Variants in PLCE1 observed in about 807,000 individuals in gnomAD.
PLCE1 encodes 1-phosphatidylinositol 4,5-bisphosphate phosphodiesterase epsilon-1.
PLCE1 carries 119 observed loss-of-function variants against 242.8 expected under a neutral mutation model. The ratio of observed to expected loss-of-function variants is 0.49; its 90% confidence interval spans 0.42 to 0.57. The LOEUF (loss-of-function observed/expected upper bound fraction) is 0.57, where lower values mean the gene tolerates loss of function less well. Ranked by LOEUF, PLCE1 falls within the 20% of genes least tolerant of loss-of-function variation. PLCE1 has a pLI of 0.00. For synonymous variants in PLCE1, 945 were observed against 1,017.4 expected (o/e 0.93, Z 1.35); for missense variants, 2,441 against 2,788.8 (o/e 0.88, Z 2.81).
At chr10:94,192,034 A>G (rs972506289) in intron 4 of PLCE1, among the ~76,000 whole-genome samples, 36 of 152,302 alleles carry the variant, frequency 2.4e-4, no homozygotes, top group African/African-American at 8.4e-4. Context: ...TTTAATTGTA[A>G]ATTGACATAA....
Position 94,272,980 on chromosome 10 carries a change from C to T in PLCE1, c.4507-582C>T, listed in dbSNP as rs116860934. Among the ~76,000 whole-genome samples the T allele has an allele frequency of 1.7e-3, 255 of 152,028 alleles. 3 individuals are homozygous for T. The East Asian group carries it at 0.045, about 27-fold the overall frequency. On this transcript the variant is annotated intron_variant, in intron 18 of 32. Coordinates refer to ENST00000371380, the MANE Select transcript of PLCE1 (RefSeq NM_016341.4). ...CTTTGGGAGGCTGAGGCGGGTGGAT[C>T]GCTTGAGCTCAGGAGTTCGAGACCA... is the stretch of plus-strand genomic sequence containing the variant.
intron 1 of PLCE1, among the ~76,000 whole-genome samples, chr10:94,021,396 T>G (rs111611819): frequency 0.02 from 3,107 of 152,182 alleles, 107 homozygotes; most frequent in African/African-American, 0.067. Context: ...TGTTTTAGAT[T>G]TTATATTCTG....
In PLCE1 at chr10:94,159,463, T is replaced by G. The variant is rs1362081378; in HGVS notation, c.1493-11717T>G. ...AGAAATCAATATTCTTCTCTCTCTC[T>G]CTCTTATTTTATATAATTAGAATTG... On this transcript the variant is annotated intron_variant, in intron 3 of 32. Transcript: ENST00000371380. 3.3e-5 allele frequency among the ~76,000 whole-genome samples: 5 copies of G among 152,294 alleles called. No homozygotes were observed. In the East Asian group the frequency reaches 9.7e-4, roughly 29 times the overall value.
In PLCE1 at chr10:94,252,416, A is replaced by G. The variant is rs201554414; in HGVS notation, c.3197A>G (p.Lys1066Arg). ...ARNPSPGTSA[K>R]NAEKPNMQRN... is the part of the protein sequence containing the mutation. ...AACCCCAGCCCCGGAACATCAGCAA[A>G]GAATGCTGAGAAGCCCAATATGCAG... Residue 1066 changes from lysine (K) to arginine (R), a missense_variant, in exon 9 of 33, where the codon AAG becomes AGG. Physicochemically the swap from Lys to Arg is conservative, Grantham distance 26. Around this residue, in one of 5 missense-constraint regions of PLCE1, gnomAD observed 1,004 missense variants for 1,322.7 expected, o/e 0.76. Transcript: ENST00000371380. The G allele has an allele frequency of 4.7e-5, 76 of 1,613,814 alleles. No individual in the cohort carries two copies. The highest frequency in any genetic ancestry group is 6.0e-5 in the Non-Finnish European group (71 of 1,179,818).
At chr10:94,201,355 G>C (rs1477920142) in intron 4 of PLCE1, among the ~76,000 whole-genome samples, 2 of 152,196 alleles carry the variant, frequency 1.3e-5, no homozygotes, top group African/African-American at 4.8e-5. Flanking sequence ...AAGTGAGGTG[G>C]TATAGCAGAA....
intron 1 of PLCE1, among the ~76,000 whole-genome samples, chr10:94,014,229 A>G (rs934233812): frequency 2.0e-5 from 3 of 152,202 alleles, no homozygotes; most frequent in African/African-American, 2.4e-5. Flanking sequence ...CACCTTCCCT[A>G]AGGCAGCTAA....
At chr10:94,228,277 A>C (rs932886943) in intron 5 of PLCE1, among the ~76,000 whole-genome samples, 6 of 152,226 alleles carry the variant, frequency 3.9e-5, no homozygotes, top group Admixed American at 3.9e-4. Context: ...TATGTGAGGA[A>C]GAAGAGCATG....
At chr10:94,290,157 G>A (rs1279585929) in intron 22 of PLCE1, among the ~76,000 whole-genome samples, 1 of 151,666 alleles carries the variant, frequency 6.6e-6, no homozygotes, top group Non-Finnish European at 1.5e-5. Context: ...CTTCTGAGTG[G>A]CTAGGACTAC....
chr10:94,070,578 C>G (rs891126818), intron 2 of PLCE1, among the ~76,000 whole-genome samples: 1 of 152,204 alleles, frequency 6.6e-6, no homozygotes, highest in African/African-American at 2.4e-5. Context: ...AGTCTAGACT[C>G]TAATTGTTCA....
chr10:94,065,996 C>T (rs2044184863), intron 2 of PLCE1, among the ~76,000 whole-genome samples: 1 of 152,116 alleles, frequency 6.6e-6, no homozygotes, highest in Non-Finnish European at 1.5e-5. Flanking sequence ...TGTCAGTGTC[C>T]TCTCTTTAAA....
chr10:94,138,507 A>G (rs927358891), intron 3 of PLCE1: 4 of 468,128 alleles, frequency 8.5e-6, no homozygotes, highest in Middle Eastern at 5.4e-4. Context: ...GTAGTAATGG[A>G]GATGTTCCAG....
chr10:94,062,424 A>G (rs536332150), intron 2 of PLCE1, among the ~76,000 whole-genome samples: 1 of 152,106 alleles, frequency 6.6e-6, no homozygotes, highest in Non-Finnish European at 1.5e-5. Context: ...CCCAAGTAGC[A>G]GTCCACTCTG....
chr10:94,103,331 T>C (rs976762423), intron 2 of PLCE1, among the ~76,000 whole-genome samples: 1 of 152,208 alleles, frequency 6.6e-6, no homozygotes, highest in Non-Finnish European at 1.5e-5. Flanking sequence ...TTTGTGCTGT[T>C]AATTACTGAT....
intron 26 of PLCE1, among the ~76,000 whole-genome samples, chr10:94,307,940 T>C (rs540455797): frequency 7.9e-5 from 12 of 152,292 alleles, no homozygotes; most frequent in Non-Finnish European, 8.8e-5. Context: ...TTTCCATCTC[T>C]CCAACACAGT....
At chr10:94,072,380 C>G (rs2044386623) in intron 2 of PLCE1, among the ~76,000 whole-genome samples, 1 of 151,912 alleles carries the variant, frequency 6.6e-6, no homozygotes, top group African/African-American at 2.4e-5. Flanking sequence ...AGGTTCACGC[C>G]ATTCTCCTGC....
intron 4 of PLCE1, among the ~76,000 whole-genome samples, chr10:94,196,873 A>G (rs531450165): frequency 1.3e-5 from 2 of 152,326 alleles, no homozygotes; most frequent in South Asian, 4.1e-4. Context: ...CATTTAAAGT[A>G]TACAGGTCAG....
intron 3 of PLCE1, among the ~76,000 whole-genome samples, chr10:94,154,192 A>G (rs1038277373): frequency 6.6e-6 from 1 of 152,224 alleles, no homozygotes; most frequent in Non-Finnish European, 1.5e-5. Flanking sequence ...ATAATTTTCA[A>G]CAAAGATGCC....
intron 2 of PLCE1, among the ~76,000 whole-genome samples, chr10:94,061,311 G>A (rs1280397229): frequency 6.6e-6 from 1 of 152,186 alleles, no homozygotes; most frequent in Non-Finnish European, 1.5e-5. Flanking sequence ...GCTTAAGCAG[G>A]TGATCAACTG....
chr10:94,125,493 T>G (rs2046412014), intron 2 of PLCE1, among the ~76,000 whole-genome samples: 1 of 151,972 alleles, frequency 6.6e-6, no homozygotes, highest in Non-Finnish European at 1.5e-5. Context: ...CCTGGGTTCA[T>G]GCCATTCTCC....
Sources: allele counts gnomAD v4.1 joint callset (sites outside exome capture counted in the v4.1 genomes callset), GRCh38; gene constraint gnomAD v4.1.1; regional missense constraint gnomAD v4.1.1; transcripts MANE v1.5; gene names NCBI Gene and HGNC (gene_info 2026-07-23, HGNC 2026-07-21).